SYNGR1: variants seen among roughly 807,000 people sequenced by gnomAD.
SYNGR1 encodes the protein synaptogyrin 1.
SYNGR1 carries 14 observed loss-of-function variants against 26.1 expected under a neutral mutation model. The ratio of observed to expected loss-of-function variants is 0.54; its 90% CI spans 0.35 to 0.84. SYNGR1 has a LOEUF of 0.84. SYNGR1 is among the 40% of genes least tolerant of loss of function. The pLI is 0.01. For missense variants in SYNGR1, 319 were observed against 332.9 expected (o/e 0.96, Z 0.33); for synonymous variants, 141 against 150.1 (o/e 0.94, Z 0.44).
At chr22:39,377,256 C>A (rs1442336944) in intron 3 of SYNGR1, 1 of 985,278 alleles carries the variant, frequency 1.0e-6, no homozygotes, top group African/African-American at 1.7e-5. Context: ...ACCCATCTCC[C>A]CAACAATATT....
chr22:39,381,580 A>T, intron 3 of SYNGR1, 116 bp from the exon 4 acceptor site: 2 of 1,048,960 alleles, frequency 1.9e-6, no homozygotes, highest in Non-Finnish European at 2.9e-6. Flanking sequence ...GAGGATCTTT[A>T]ACCCTCTCCT....
In SYNGR1 at chr22:39,350,632, A is replaced by C. The variant is rs1055984941; in HGVS notation, c.99+523A>C. Among the ~76,000 whole-genome samples, 1 of 151,676 alleles carries C rather than the reference A, an allele frequency of 6.6e-6. No homozygotes were observed. The highest frequency in any genetic ancestry group is 1.5e-5 in the Non-Finnish European group (1 of 67,912). On this transcript the variant is annotated intron_variant, in intron 1 of 3. Coordinates refer to ENST00000328933, the MANE Select transcript of SYNGR1 (RefSeq NM_004711.5). This position sits in a 1 kb window ranked among gnomAD's most constrained non-coding sequence, Gnocchi z 4.3. ...GGCCCGTGTGGAGCGATGAGTCGGG[A>C]ACTGAGTACCTCTCTTCCACCCGGG...
intron 1 of SYNGR1, among the ~76,000 whole-genome samples, chr22:39,364,741 G>C (rs1466133914): frequency 6.6e-6 from 1 of 152,192 alleles, no homozygotes; most frequent in Admixed American, 6.5e-5. Context: ...TGCATAGGGT[G>C]GGGAGGGGGA....
intron 1 of SYNGR1, among the ~76,000 whole-genome samples, chr22:39,370,283 AC>A (rs1200991888): frequency 6.6e-6 from 1 of 151,976 alleles, no homozygotes. Flanking sequence ...GGCACGTGCC[AC>A]CACGCCCAGC....
In SYNGR1 at chr22:39,380,616, C is replaced by CTTTTTT. The variant is rs58877789; in HGVS notation, c.484-1061_484-1056dup. Among the ~76,000 whole-genome samples, 330 of 69,990 alleles carry CTTTTTT rather than the reference C, an allele frequency of 4.7e-3. 25 individuals are homozygous for CTTTTTT. The highest frequency in any genetic ancestry group is 0.021 in the African/African-American group (292 of 13,884). 45.9% of individuals were successfully genotyped at this position (69,990 alleles called of 152,430 possible). On this transcript the variant is annotated intron_variant, in intron 3 of 3. Coordinates refer to ENST00000328933, the MANE Select transcript of SYNGR1 (RefSeq NM_004711.5). ...GTCTTGCTATGTTGCCCAAGCTGGC[C>CTTTTTT]TTTTTTTTTTTTTTTTTTTTTTTTG...
intron 1 of SYNGR1, among the ~76,000 whole-genome samples, chr22:39,364,835 A>T (rs1314111554): frequency 6.6e-6 from 1 of 152,042 alleles, no homozygotes; most frequent in African/African-American, 2.4e-5. Context: ...GTAGCCAAGG[A>T]TCCTGAAATC....
intron 3 of SYNGR1, chr22:39,376,935 G>GCA: frequency 6.5e-7 from 1 of 1,546,690 alleles, no homozygotes; most frequent in Non-Finnish European, 8.7e-7. Context: ...AGCAGGCCCT[G>GCA]GGCTGGCAGC....
chr22:39,373,071 T>C (rs946611556), intron 1 of SYNGR1, among the ~76,000 whole-genome samples: 1 of 152,098 alleles, frequency 6.6e-6, no homozygotes, highest in Non-Finnish European at 1.5e-5. Context: ...ATGTGTAATA[T>C]ACCCTTGGGA....
chr22:39,352,519 C>T (rs1192461367), intron 1 of SYNGR1, among the ~76,000 whole-genome samples: 5 of 152,142 alleles, frequency 3.3e-5, no homozygotes, highest in Admixed American at 2.6e-4. Flanking sequence ...TGTGATACCA[C>T]CACTTAGGGA....
chr22:39,384,451 C>T lies in SYNGR1; in HGVS notation c.*2537C>T, dbSNP rs1424278241. 1 of 398,438 alleles carries T rather than the reference C, an allele frequency of 2.5e-6. No individual in the cohort carries two copies. The highest frequency in any genetic ancestry group is 4.4e-6 in the Non-Finnish European group (1 of 226,096). The allele number at this position is 398,438 out of a possible 1,614,324, so 24.7% of individuals were successfully genotyped here. A position where few individuals can be genotyped will look rare whatever the true frequency, so the allele number is the denominator to read the frequency against. On this transcript the variant is annotated 3_prime_UTR_variant, in exon 4 of 4. Coordinates refer to ENST00000328933, the MANE Select transcript of SYNGR1 (RefSeq NM_004711.5). ...GGTTCAGCCCAGAAGCCCTTCCAGG[C>T]ATGATCTTCCCCATCAGGCTGGGCT...
At position 39,384,560 on chromosome 22, in the gene SYNGR1, C is replaced by G. The variant is rs1925599026; in HGVS notation, c.*2646C>G. 2.5e-6 allele frequency: 1 copy of G among 398,754 alleles called. No individual in the cohort carries two copies. The allele number at this position is 398,754 out of a possible 1,614,324, so 24.7% of individuals were successfully genotyped here. A position where few individuals can be genotyped will look rare whatever the true frequency, so the allele number is the denominator to read the frequency against. Reference sequence around the variant, plus strand: ...TGGATGGGACCCAGGGCTCCTGACTCTGCCCTGGAAGGTTCATGGGGAAAC... The same window carrying G: ...TGGATGGGACCCAGGGCTCCTGACTGTGCCCTGGAAGGTTCATGGGGAAAC... On this transcript the variant is annotated 3_prime_UTR_variant, in exon 4 of 4. Transcript: ENST00000328933.
At chr22:39,363,295 A>G (rs1227733896) in intron 1 of SYNGR1, among the ~76,000 whole-genome samples, 3 of 151,416 alleles carry the variant, frequency 2.0e-5, no homozygotes, top group African/African-American at 7.3e-5. Flanking sequence ...CTGGGGGGTG[A>G]CATGACCTGA....
At chr22:39,373,156 C>G (rs1052036595) in intron 1 of SYNGR1, among the ~76,000 whole-genome samples, 23 of 151,654 alleles carry the variant, frequency 1.5e-4, no homozygotes, top group Non-Finnish European at 3.1e-4. Flanking sequence ...CACACACACA[C>G]ACACACACAC....
Position 39,384,788 on chromosome 22 carries a change from T to G in SYNGR1, c.*2874T>G. 2.5e-6 allele frequency: 1 copy of G among 399,130 alleles called. No homozygotes were observed. Among genetic ancestry groups the G allele is most frequent in the East Asian group, 3.5e-5 (1 of 28,186 alleles). The allele number at this position is 399,130 out of a possible 1,614,324, so 24.7% of individuals were successfully genotyped here. A position where few individuals can be genotyped will look rare whatever the true frequency, so the allele number is the denominator to read the frequency against. On this transcript the variant is annotated 3_prime_UTR_variant, in exon 4 of 4. Transcript: ENST00000328933. ...CAAGAGAGGGCCCAGGAAAAAAGGTTTCACATAAGTGTAGAGTCGCAAGGA... is the reference window on the plus strand; with the variant it reads ...CAAGAGAGGGCCCAGGAAAAAAGGTGTCACATAAGTGTAGAGTCGCAAGGA...
intron 1 of SYNGR1, among the ~76,000 whole-genome samples, chr22:39,354,602 G>C (rs1329563980): frequency 6.6e-6 from 1 of 152,178 alleles, no homozygotes; most frequent in Non-Finnish European, 1.5e-5. Flanking sequence ...CACTTTGGGA[G>C]GCCAAGGCGG....
In SYNGR1 at chr22:39,378,368, C is replaced by A. The variant is rs1925385507; in HGVS notation, c.483+2171C>A. Reference sequence around the variant, plus strand: ...CAAGCATGCTCAATAAATGTAAGCTCTTTTGTTCATTCATTCATTCATTCA... The same window carrying A: ...CAAGCATGCTCAATAAATGTAAGCTATTTTGTTCATTCATTCATTCATTCA... On this transcript the variant is annotated intron_variant, in intron 3 of 3. Transcript: ENST00000328933. 1.8e-5 allele frequency: 15 copies of A among 847,900 alleles called. No homozygotes were observed. The South Asian group carries it at 7.2e-4, about 41-fold the overall frequency. 52.5% of individuals were successfully genotyped at this position (847,900 alleles called of 1,614,324 possible). A position where few individuals can be genotyped will look rare whatever the true frequency, so the allele number is the denominator to read the frequency against.
chr22:39,357,634 GCCGGCCAGCC>G (rs1924212017), intron 1 of SYNGR1, among the ~76,000 whole-genome samples: 2 of 70,806 alleles, frequency 2.8e-5, no homozygotes, highest in Admixed American at 1.5e-4. Context: ...CCTCGGAGCA[GCCGGCCAGCC>G]CTGCTGGCCC....
chr22:39,376,619 C>T (rs1480422968), intron 3 of SYNGR1, among the ~76,000 whole-genome samples: 1 of 152,316 alleles, frequency 6.6e-6, no homozygotes, highest in East Asian at 1.9e-4. Context: ...TCGGGGCTGC[C>T]TCTGATTTTC....
chr22:39,365,233 T>A (rs1924683753), intron 1 of SYNGR1, among the ~76,000 whole-genome samples: 2 of 152,148 alleles, frequency 1.3e-5, no homozygotes, highest in Non-Finnish European at 2.9e-5. Flanking sequence ...TTTCCGGTTC[T>A]CCAGTGTCTC....
Sources: allele counts gnomAD v4.1 joint callset (sites outside exome capture counted in the v4.1 genomes callset), GRCh38; gene constraint gnomAD v4.1.1; non-coding constraint Gnocchi (gnomAD v3.1); transcripts MANE v1.5; gene names NCBI Gene and HGNC (gene_info 2026-07-23, HGNC 2026-07-21).